PHF24: variants seen among roughly 807,000 people sequenced by gnomAD.
The protein encoded by PHF24 is PHD finger protein 24.
A neutral mutation model predicts 42.6 loss-of-function variants in PHF24; 25 were observed. That is an observed-to-expected ratio of 0.59 (90% CI 0.43 to 0.82). The LOEUF (loss-of-function observed/expected upper bound fraction) is 0.82, where lower values mean the gene tolerates loss of function less well. Ranked by LOEUF, PHF24 falls within the 40% of genes least tolerant of loss-of-function variation. The pLI, the probability that PHF24 is intolerant of heterozygous loss-of-function variation, is 0.00. For synonymous variants in PHF24, 185 were observed against 204.8 expected, an observed-to-expected ratio of 0.90 and a Z score of 0.83; for missense variants, 470 against 538.1, an observed-to-expected ratio of 0.87 and a Z score of 1.25.
At chr9:34,881,700 G>T in the PHF24 span, among the ~76,000 whole-genome samples, 1 of 152,154 alleles carries the variant, frequency 6.6e-6, no homozygotes, top group Non-Finnish European at 1.5e-5. Flanking sequence ...AACAGGCTCT[G>T]AAATTGAGGC....
At chr9:34,874,226 C>T in the PHF24 span, among the ~76,000 whole-genome samples, 8 of 152,110 alleles carry the variant, frequency 5.3e-5, no homozygotes, top group Non-Finnish European at 1.5e-5. Context: ...GCACTTCCAA[C>T]ATTATGTTGA....
the PHF24 span, among the ~76,000 whole-genome samples, chr9:34,669,551 G>T: frequency 1.0e-3 from 153 of 151,456 alleles, no homozygotes; most frequent in Non-Finnish European, 1.8e-3. Flanking sequence ...TGTGTGTGAG[G>T]TTGGATGGGG....
chr9:34,977,128 C>G (rs1587481271), exon 6 of PHF24: 1 of 1,613,094 alleles, frequency 6.2e-7, no homozygotes, highest in South Asian at 1.1e-5. Context: ...GGAGCGAGCC[C>G]GAGCCGCCTT....
chr9:34,834,940 A>G, the PHF24 span: 329,894 of 1,086,982 alleles, frequency 0.3, 88,330 homozygotes, highest in East Asian at 0.67. Flanking sequence ...CAATCTTGGG[A>G]AGGCCTTGAG....
chr9:34,909,685 G>A, the PHF24 span, among the ~76,000 whole-genome samples: 17 of 151,030 alleles, frequency 1.1e-4, no homozygotes, highest in East Asian at 2.7e-3. Context: ...GCAGTGGCGC[G>A]ATCTCGGCTC....
At chr9:34,928,099 C>G in the PHF24 span, among the ~76,000 whole-genome samples, 1 of 151,592 alleles carries the variant, frequency 6.6e-6, no homozygotes, top group Non-Finnish European at 1.5e-5. Context: ...GCCTGTAATC[C>G]CAGCTACTTG....
At chr9:34,976,940 G>A (rs567325241) in intron 5 of PHF24, 143 bp from the exon 6 acceptor site, 24 of 996,684 alleles carry the variant, frequency 2.4e-5, no homozygotes, top group African/African-American at 4.9e-5. Flanking sequence ...GCCCTGGGCC[G>A]CACTGGAAGT....
chr9:34,865,135 C>T, the PHF24 span, among the ~76,000 whole-genome samples: 62 of 111,628 alleles, frequency 5.6e-4, no homozygotes, highest in African/African-American at 1.7e-3. Flanking sequence ...GCTGAGATTG[C>T]GCCACTGCAA....
the PHF24 span, among the ~76,000 whole-genome samples, chr9:34,741,159 T>C: frequency 2.1e-4 from 32 of 152,084 alleles, 1 homozygote; most frequent in South Asian, 6.6e-3. Context: ...GTGTTGGGAT[T>C]ACAGGCATGA....
At chr9:34,975,863 A>G (rs1183047644) in intron 3 of PHF24, among the ~76,000 whole-genome samples, 1 of 152,052 alleles carries the variant, frequency 6.6e-6, no homozygotes, top group African/African-American at 2.4e-5. Flanking sequence ...GGCACTTCCA[A>G]GAAATCCCTA....
At chr9:34,897,944 G>A in the PHF24 span, among the ~76,000 whole-genome samples, 1 of 152,164 alleles carries the variant, frequency 6.6e-6, no homozygotes, top group African/African-American at 2.4e-5. Context: ...CCGTTCCTGA[G>A]TTACTTTGCT....
At chr9:34,737,209 C>T in the PHF24 span, among the ~76,000 whole-genome samples, 4 of 152,292 alleles carry the variant, frequency 2.6e-5, no homozygotes, top group South Asian at 8.3e-4. Flanking sequence ...ATTCTACCTT[C>T]CCCCTAGTCC....
chr9:34,892,541 C>G, the PHF24 span: 1 of 415,012 alleles, frequency 2.4e-6, no homozygotes, highest in Non-Finnish European at 4.2e-6. Context: ...TTCCTCAGGA[C>G]TTTTTGGACA....
the PHF24 span, among the ~76,000 whole-genome samples, chr9:34,788,079 C>A: frequency 6.6e-6 from 1 of 152,074 alleles, no homozygotes; most frequent in Non-Finnish European, 1.5e-5. Context: ...CCTCTGTTGC[C>A]CAGGCTGGAG....
At chr9:34,941,186 T>A in the PHF24 span, among the ~76,000 whole-genome samples, 1 of 152,212 alleles carries the variant, frequency 6.6e-6, no homozygotes, top group Non-Finnish European at 1.5e-5. Flanking sequence ...GGTCTCTGTC[T>A]ATATACTGCA....
chr9:34,903,637 G>A, the PHF24 span, among the ~76,000 whole-genome samples: 2 of 152,184 alleles, frequency 1.3e-5, no homozygotes, highest in African/African-American at 4.8e-5. Flanking sequence ...GGATCCAAAG[G>A]TCTCCAGTGT....
the PHF24 span, among the ~76,000 whole-genome samples, chr9:34,684,027 A>G: frequency 1.3e-5 from 2 of 152,174 alleles, no homozygotes; most frequent in Non-Finnish European, 2.9e-5. Flanking sequence ...AGGCTCACTT[A>G]TTCTCGCTAT....
At chr9:34,723,850 C>T in the PHF24 span, 4 of 1,551,684 alleles carry the variant, frequency 2.6e-6, no homozygotes, top group Non-Finnish European at 3.5e-6. Context: ...ACTCTTTCTC[C>T]CCAGGGACTC....
the PHF24 span, among the ~76,000 whole-genome samples, chr9:34,923,260 A>G: frequency 6.6e-6 from 1 of 152,214 alleles, no homozygotes; most frequent in East Asian, 1.9e-4. Flanking sequence ...TTAGTGTGCT[A>G]GTATTTTGTT....
Sources: gnomAD v4.1 joint callset for allele counts (sites outside exome capture counted in the v4.1 genomes callset) on GRCh38, gnomAD v4.1.1 for gene constraint, MANE v1.5 for transcripts, NCBI Gene and HGNC (gene_info 2026-07-23, HGNC 2026-07-21) for gene names.